The following TSC2 variants were observed in gnomAD, a reference collection of about 807,000 sequenced individuals.
TSC2 encodes the protein tuberin.
TSC2 carries 29 observed loss-of-function variants against 202.2 expected under a neutral mutation model. The ratio of observed to expected loss-of-function variants is 0.14; its 90% CI spans 0.11 to 0.20. The LOEUF is 0.20. Among genes scored for constraint, TSC2 ranks in the 10% least tolerant of loss-of-function variants. The pLI is 1.00. For missense variants in TSC2, 2,429 were observed against 2,420.0 expected, an observed-to-expected ratio of 1.00 and a Z score of -0.08; for synonymous variants, 1,349 against 1,044.0, an observed-to-expected ratio of 1.29 and a Z score of -5.63.
At chr16:2,087,745 C>A (rs2091021440) in intron 38 of TSC2, 118 bp from the exon 39 acceptor site, 2 of 1,290,868 alleles carry the variant, frequency 1.5e-6, no homozygotes, top group East Asian at 2.5e-5. Flanking sequence ...GGGGAAAGTT[C>A]AGGGGCAGAT....
At chr16:2,063,106 G>A (rs992060423) in intron 14 of TSC2, 53 bp downstream of exon 14, 26 of 1,543,356 alleles carry the variant, frequency 1.7e-5, no homozygotes, top group East Asian at 7.3e-5. Flanking sequence ...CTCCGTGGGC[G>A]GGCTGTCTCT....
At chr16:2,058,188 C>G (rs528883124) in intron 9 of TSC2, among the ~76,000 whole-genome samples, 2 of 149,724 alleles carry the variant, frequency 1.3e-5, no homozygotes, top group Non-Finnish European at 3.0e-5. Context: ...CCTGCCTCAG[C>G]CTGCATCTCT....
At chr16:2,077,339 T>C in intron 25 of TSC2, 1 of 529,212 alleles carries the variant, frequency 1.9e-6, no homozygotes, top group Non-Finnish European at 3.4e-6. Flanking sequence ...GCACTGACGT[T>C]GTTTGTTTTG....
At position 2,055,713 on chromosome 16, in the gene TSC2, A is replaced by T. The variant is rs1252540418; in HGVS notation, c.599+194A>T. 5 of 578,366 alleles carry T rather than the reference A, an allele frequency of 8.6e-6. No individual in the cohort carries two copies. The Admixed American group carries it at 1.2e-4, about 14-fold the overall frequency. The allele number at this position is 578,366 out of a possible 1,614,324, so 35.8% of individuals were successfully genotyped here. On this transcript the variant is annotated intron_variant, in intron 6 of 41. Transcript: ENST00000219476. ...CGAGACCAGCCTGGCCAACATGGTG[A>T]AACCCTGTCTCTACTAAAAATACAA...
At chr16:2,083,958 G>A (rs935760107) in intron 33 of TSC2, 142 bp downstream of exon 33, 12 of 1,421,006 alleles carry the variant, frequency 8.4e-6, no homozygotes, top group Admixed American at 2.5e-5. Flanking sequence ...GTGCACAGAC[G>A]GTCTGCACTT....
rs776275699 is a variant in TSC2, at chr16:2,082,551, C to T, written c.3883+47C>T. On this transcript the variant is annotated intron_variant, in intron 32 of 41. Transcript: ENST00000219476. ...CGGTTGGCTGCAGAGCGCCACTCTG[C>T]CTCATAGGTGCTGTGCTCGTCGCCT... 4 of 1,594,744 alleles carry T rather than the reference C, an allele frequency of 2.5e-6. No homozygotes were observed. The East Asian group carries it at 8.9e-5, about 36-fold the overall frequency.
chr16:2,073,452 C>T (rs959963177), intron 21 of TSC2, among the ~76,000 whole-genome samples: 1 of 152,262 alleles, frequency 6.6e-6, no homozygotes, highest in Non-Finnish European at 1.5e-5. Context: ...TTGACATGGC[C>T]CTCCGGGACG....
rs2090177503 is a variant in TSC2 at position 2,081,816 on chromosome 16, C to T, written c.3814+18C>T. On this transcript the variant is annotated intron_variant, in intron 31 of 41. Coordinates refer to ENST00000219476, the MANE Select transcript of TSC2 (RefSeq NM_000548.5). ...CAACACAGGTGAGTGGCATGGCGGG[C>T]CTTGGCACGGGCTCTGCTCCCACTG... is the stretch of plus-strand genomic sequence containing the variant. The T allele has an allele frequency of 1.2e-6, 2 of 1,610,992 alleles. No individual in the cohort carries two copies. The highest frequency in any genetic ancestry group is 8.5e-7 in the Non-Finnish European group (1 of 1,179,768).
In TSC2 at chr16:2,088,595, C is replaced by T. The variant is rs770270816; in HGVS notation, c.5409C>T (p.Phe1803=). The T allele has an allele frequency of 5.6e-6, 9 of 1,605,404 alleles. No individual in the cohort carries two copies. The highest frequency in any genetic ancestry group is 1.1e-5 in the South Asian group (1 of 91,056). The change falls in exon 42 of 42, where the codon TTC becomes TTT. Residue 1803 remains phenylalanine (F), a synonymous_variant. Transcript: ENST00000219476. ...RKRLISSVED[F]TEFV ...GCCTCATCTCCTCGGTGGAGGACTTCACCGAGTTTGTGTGAGGCCGGGGCC... is the reference window on the plus strand; with the variant it reads ...GCCTCATCTCCTCGGTGGAGGACTTTACCGAGTTTGTGTGAGGCCGGGGCC...
chr16:2,077,546 T>C (rs571309672), intron 25 of TSC2, 52 bp from the exon 26 acceptor site: 1 of 1,610,506 alleles, frequency 6.2e-7, no homozygotes, highest in East Asian at 2.2e-5. Context: ...TGTTCTCCCC[T>C]TCCCGGGAGC....
chr16:2,076,614 C>A (rs748015200), intron 25 of TSC2, 29 bp downstream of exon 25: 4 of 1,609,618 alleles, frequency 2.5e-6, no homozygotes, highest in South Asian at 1.1e-5. Context: ...TGCCTGGAGT[C>A]GGTGTGGGGT....
In TSC2 at chr16:2,085,465, G is replaced by A. The variant is rs1469817614; in HGVS notation, c.4662+143G>A. On this transcript the variant is annotated intron_variant, in intron 36 of 41. Coordinates refer to ENST00000219476, the MANE Select transcript of TSC2 (RefSeq NM_000548.5). ...CAGCATGAAGTGCTCATTGAGCTCTGTGCCAGGTGCTGCTCTGAGTGCTGG... is the reference window on the plus strand; with the variant it reads ...CAGCATGAAGTGCTCATTGAGCTCTATGCCAGGTGCTGCTCTGAGTGCTGG... The A allele has an allele frequency of 1.2e-5, 11 of 911,794 alleles. No individual in the cohort carries two copies. The Admixed American group carries it at 2.1e-4, about 17-fold the overall frequency. The allele number at this position is 911,794 out of a possible 1,614,324, so 56.5% of individuals were successfully genotyped here.
chr16:2,060,042 C>T (rs936722513), intron 10 of TSC2, among the ~76,000 whole-genome samples: 6 of 152,178 alleles, frequency 3.9e-5, no homozygotes, highest in Non-Finnish European at 5.9e-5. Flanking sequence ...AACGCTGCCT[C>T]GGGGGTAGCC....
At position 2,079,763 on chromosome 16, in the gene TSC2, CG is replaced by C. The variant is rs2089898339; in HGVS notation, c.3397+98del. 1 of 1,347,876 alleles carries C rather than the reference CG, an allele frequency of 7.4e-7. No individual in the cohort carries two copies. The highest frequency in any genetic ancestry group is 1.0e-6 in the Non-Finnish European group (1 of 995,774). 83.5% of individuals were successfully genotyped at this position (1,347,876 alleles called of 1,614,324 possible). On this transcript the variant is annotated intron_variant, in intron 29 of 41. Coordinates refer to ENST00000219476, the MANE Select transcript of TSC2 (RefSeq NM_000548.5). This position sits in a 1 kb window ranked among gnomAD's most constrained non-coding sequence, Gnocchi z 4.6. ...TCAGGAAGGCCCCGAGCCCAGGGGCCGGGGTGGCTGGCTTCAGGCCCGGCCC... is the reference window on the plus strand; with the variant it reads ...TCAGGAAGGCCCCGAGCCCAGGGGCCGGGTGGCTGGCTTCAGGCCCGGCCC...
At chr16:2,080,700 G>T in intron 30 of TSC2, 1 of 337,602 alleles carries the variant, frequency 3.0e-6, no homozygotes, top group Non-Finnish European at 5.7e-6. Flanking sequence ...TAGCCAGGAT[G>T]GTCTCAATCT....
In TSC2 at chr16:2,065,515, A is replaced by C. The variant is rs1164295969; in HGVS notation, c.1600-4A>C. 3.1e-6 allele frequency: 5 copies of C among 1,612,166 alleles called. No homozygotes were observed. Among genetic ancestry groups the C allele is most frequent in the African/African-American group, 1.3e-5 (1 of 74,626 alleles). On this transcript the variant is annotated splice_region_variant and splice_polypyrimidine_tract_variant and intron_variant, in intron 15 of 41. Coordinates refer to ENST00000219476, the MANE Select transcript of TSC2 (RefSeq NM_000548.5). Reference sequence around the variant, plus strand: ...GTGTGTAAGTCCTGGCCTTCTCTTCAAAGGTGATGGCCCGCTCCCTCTCCC... The same window carrying C: ...GTGTGTAAGTCCTGGCCTTCTCTTCCAAGGTGATGGCCCGCTCCCTCTCCC...
intron 25 of TSC2, among the ~76,000 whole-genome samples, chr16:2,076,903 C>T (rs959788092): frequency 1.3e-5 from 2 of 152,136 alleles, no homozygotes; most frequent in Non-Finnish European, 2.9e-5. Context: ...CTGCAGCCCC[C>T]AGCCTGCTGC....
intron 31 of TSC2, chr16:2,082,153 C>A: frequency 1.7e-6 from 1 of 594,052 alleles, no homozygotes; most frequent in Non-Finnish European, 3.0e-6. Context: ...ACTCTGGGCC[C>A]CCACCCCACT....
chr16:2,072,369 A>G lies in TSC2; in HGVS notation c.2220+6A>G, dbSNP rs745822483. The stretch of plus-strand genomic sequence containing the variant: ...GCTCTGCTCTCTGCTCCATGGTACC[A>G]TGGCCGGCCTGGGGTTGGGGTGGGG... On this transcript the variant is annotated splice_donor_region_variant and intron_variant, in intron 20 of 41. Coordinates refer to ENST00000219476, the MANE Select transcript of TSC2 (RefSeq NM_000548.5). The G allele has an allele frequency of 9.9e-6, 16 of 1,613,558 alleles. No individual in the cohort carries two copies. The highest frequency in any genetic ancestry group is 1.3e-5 in the Non-Finnish European group (15 of 1,179,774).
Sources: gnomAD v4.1 joint callset for allele counts (sites outside exome capture counted in the v4.1 genomes callset) on GRCh38, gnomAD v4.1.1 for gene constraint, Gnocchi (gnomAD v3.1) non-coding constraint, MANE v1.5 for transcripts, NCBI Gene and HGNC (gene_info 2026-07-23, HGNC 2026-07-21) for gene names.